Variants in FRMPD4 observed in about 807,000 individuals in gnomAD.
FRMPD4 encodes FERM and PDZ domain containing 4.
FRMPD4 carries 22 observed loss-of-function variants against 94.1 expected under a neutral mutation model. The observed-to-expected ratio is 0.23, with a 90% CI of 0.17 to 0.33. The LOEUF (loss-of-function observed/expected upper bound fraction) is 0.33. FRMPD4 is among the 10% of genes least tolerant of loss of function. The probability of loss-of-function intolerance (pLI) is 1.00; values close to 1 mark genes in which losing one functional copy is unlikely to be tolerated. For missense variants in FRMPD4, 1,111 were observed against 1,339.9 expected (o/e 0.83, Z 2.67); for synonymous variants, 631 against 548.6 (o/e 1.15, Z -2.10).
chrX:12,586,447 A>AT (rs2058929311), intron 2 of FRMPD4, among the ~76,000 whole-genome samples: 1 of 112,858 alleles, frequency 8.9e-6, no homozygotes, highest in African/African-American at 3.2e-5. Flanking sequence ...GTTATTATTT[A>AT]TTGCAGAGTT....
chrX:11,915,078 C>T (rs1372323388), intron 3 of FRMPD4, among the ~76,000 whole-genome samples: 2 of 112,408 alleles, frequency 1.8e-5, no homozygotes, highest in East Asian at 5.5e-4. Context: ...CTTATTTTTA[C>T]TGGAGTTGAC....
intron 2 of FRMPD4, among the ~76,000 whole-genome samples, chrX:12,569,374 C>G (rs1277462989): frequency 9.0e-6 from 1 of 111,635 alleles, no homozygotes; most frequent in Non-Finnish European, 1.9e-5. Flanking sequence ...TATTAAAATG[C>G]TTTTAAGCTG....
At position 12,434,430 on chromosome X, in the gene FRMPD4, A is replaced by G. The variant is rs138451371; in HGVS notation, c.42-64250A>G. ...TCCTCTCAGTGTAGGCATCATCCTC[A>G]CTCTGTTTTCAAGATGGAGGTCCTC... is the stretch of plus-strand genomic sequence containing the variant. On this transcript the variant is annotated intron_variant, in intron 1 of 16. Coordinates refer to ENST00000675598, the MANE Select transcript of FRMPD4 (RefSeq NM_001368397.1). Among the ~76,000 whole-genome samples, 1,045 of 111,384 alleles carry G rather than the reference A, an allele frequency of 9.4e-3. 13 individuals carry two copies. The highest frequency in any genetic ancestry group is 0.032 in the African/African-American group (972 of 30,595).
chrX:12,199,652 C>A (rs1287083843), intron 1 of FRMPD4, among the ~76,000 whole-genome samples: 1 of 111,737 alleles, frequency 8.9e-6, no homozygotes, highest in Non-Finnish European at 1.9e-5. Context: ...ACTGAATATC[C>A]ATCCATATGT....
intron 4 of FRMPD4, among the ~76,000 whole-genome samples, chrX:12,615,138 T>C (rs7883095): frequency 7.4e-4 from 83 of 112,521 alleles, no homozygotes; most frequent in African/African-American, 2.4e-3. Flanking sequence ...TTTTTATGAC[T>C]CCTATATCCA....
chrX:12,035,094 C>T (rs1046018970), intron 3 of FRMPD4, among the ~76,000 whole-genome samples: 7 of 111,908 alleles, frequency 6.3e-5, no homozygotes, highest in African/African-American at 1.3e-4. Flanking sequence ...CAGGATGCTC[C>T]GTTTTCAGAC....
chrX:11,826,713 G>A (rs1256068245), intron 1 of FRMPD4, among the ~76,000 whole-genome samples: 2 of 111,364 alleles, frequency 1.8e-5, no homozygotes, highest in African/African-American at 6.5e-5. Flanking sequence ...GGCCTCCTTC[G>A]AAGTGTGATA....
chrX:12,300,467 A>C (rs762571120), intron 1 of FRMPD4, among the ~76,000 whole-genome samples: 136 of 111,912 alleles, frequency 1.2e-3, no homozygotes, highest in African/African-American at 4.3e-3. Context: ...AAGTCAGGTG[A>C]TGTGGACTTC....
At chrX:12,332,617 G>A (rs1313405557) in intron 1 of FRMPD4, among the ~76,000 whole-genome samples, 2 of 111,401 alleles carry the variant, frequency 1.8e-5, no homozygotes, top group African/African-American at 6.5e-5. Flanking sequence ...TAGATAAATT[G>A]TAATTTACTG....
intron 2 of FRMPD4, among the ~76,000 whole-genome samples, chrX:12,542,892 T>TCTAA (rs1160045023): frequency 1.8e-5 from 2 of 111,827 alleles, no homozygotes; most frequent in African/African-American, 6.5e-5. Context: ...TAAACAGAGA[T>TCTAA]ACAGACCAAT....
intron 4 of FRMPD4, among the ~76,000 whole-genome samples, chrX:12,671,588 G>T (rs2059844180): frequency 9.1e-6 from 1 of 110,394 alleles, no homozygotes; most frequent in Admixed American, 9.7e-5. Flanking sequence ...CCTGTTGGGT[G>T]GTGGGGGGCT....
At chrX:12,031,349 A>G (rs939074367) in intron 3 of FRMPD4, among the ~76,000 whole-genome samples, 1 of 112,546 alleles carries the variant, frequency 8.9e-6, no homozygotes, top group Non-Finnish European at 1.9e-5. Flanking sequence ...GGTTAAAAAC[A>G]AACTTGGAGG....
intron 1 of FRMPD4, among the ~76,000 whole-genome samples, chrX:12,209,804 G>A (rs1323705226): frequency 8.9e-6 from 1 of 111,822 alleles, no homozygotes; most frequent in Non-Finnish European, 1.9e-5. Context: ...TTCATTTATG[G>A]CAAGTGGTGT....
At chrX:12,346,676 A>G (rs1044456860) in intron 1 of FRMPD4, among the ~76,000 whole-genome samples, 1 of 111,431 alleles carries the variant, frequency 9.0e-6, no homozygotes, top group Non-Finnish European at 1.9e-5. Flanking sequence ...AATGGAGCAT[A>G]CTTTTTTATT....
intron 4 of FRMPD4, among the ~76,000 whole-genome samples, chrX:12,637,001 A>G (rs181405720): frequency 1.8e-5 from 2 of 112,345 alleles, no homozygotes; most frequent in African/African-American, 3.2e-5. Flanking sequence ...CCAAGGAGCC[A>G]TGATTCCTTT....
intron 2 of FRMPD4, among the ~76,000 whole-genome samples, chrX:12,580,493 G>A (rs2058853557): frequency 8.9e-6 from 1 of 111,814 alleles, no homozygotes; most frequent in Non-Finnish European, 1.9e-5. Context: ...TTAGGCACAG[G>A]AAGATTAACA....
intron 3 of FRMPD4, among the ~76,000 whole-genome samples, chrX:11,899,258 C>T (rs763537269): frequency 9.0e-6 from 1 of 110,983 alleles, no homozygotes; most frequent in African/African-American, 3.3e-5. Context: ...GTGACTATAG[C>T]AAGAGGAATG....
chrX:12,241,043 G>A (rs1056161748), intron 1 of FRMPD4, among the ~76,000 whole-genome samples: 2 of 112,129 alleles, frequency 1.8e-5, no homozygotes, highest in African/African-American at 6.5e-5. Flanking sequence ...TATTACTAAA[G>A]GGAGGCCCTT....
chrX:11,866,860 G>A (rs2053722552), intron 2 of FRMPD4, among the ~76,000 whole-genome samples: 1 of 110,898 alleles, frequency 9.0e-6, no homozygotes. Flanking sequence ...TTTAAGTGGG[G>A]AAATATACTT....
Sources: allele counts gnomAD v4.1 joint callset (sites outside exome capture counted in the v4.1 genomes callset), GRCh38; gene constraint gnomAD v4.1.1; transcripts MANE v1.5; gene names NCBI Gene and HGNC (gene_info 2026-07-23, HGNC 2026-07-21).